The following GLIS3 variants were observed in gnomAD, a reference collection of about 807,000 sequenced individuals.
The protein encoded by GLIS3 is zinc finger protein GLIS3.
A neutral mutation model predicts 78.6 loss-of-function variants in GLIS3; 53 were observed. That is an observed-to-expected ratio of 0.67 (90% confidence interval 0.54 to 0.85). GLIS3 has a LOEUF of 0.85. GLIS3 is among the 40% of genes least tolerant of loss of function. The pLI, the probability that GLIS3 is intolerant of heterozygous loss-of-function variation, is 0.00. For synonymous variants in GLIS3, 684 were observed against 509.9 expected, an observed-to-expected ratio of 1.34 and a Z score of -4.60; for missense variants, 1,703 against 1,231.1, an observed-to-expected ratio of 1.38 and a Z score of -5.74.
At chr9:4,387,808 T>C in the GLIS3 span, among the ~76,000 whole-genome samples, 49 of 152,346 alleles carry the variant, frequency 3.2e-4, no homozygotes, top group African/African-American at 1.1e-3. Flanking sequence ...CTAATTCTAT[T>C]ATTTAACATA....
At chr9:4,124,770 G>A (rs1832445999) in intron 3 of GLIS3, among the ~76,000 whole-genome samples, 3 of 152,286 alleles carry the variant, frequency 2.0e-5, no homozygotes, top group East Asian at 1.9e-4. Flanking sequence ...CCTCAGAACT[G>A]CAAGGCACAT....
At chr9:4,222,060 G>C (rs918035219) in intron 2 of GLIS3, among the ~76,000 whole-genome samples, 8 of 152,188 alleles carry the variant, frequency 5.3e-5, no homozygotes, top group African/African-American at 1.9e-4. Flanking sequence ...CCTCAAGGGA[G>C]CATCCAGATT....
intron 2 of GLIS3, among the ~76,000 whole-genome samples, chr9:4,279,895 G>GA (rs538781460): frequency 4.6e-4 from 61 of 132,474 alleles, no homozygotes; most frequent in African/African-American, 1.1e-3. Flanking sequence ...TCTTTGATTA[G>GA]AAAAAAAAAA....
chr9:4,298,599 T>C (rs1209514780), intron 1 of GLIS3: 2 of 284,254 alleles, frequency 7.0e-6, no homozygotes, highest in South Asian at 2.8e-5. Flanking sequence ...GGGTCATTTA[T>C]AGGGACTGGA....
At chr9:4,397,165 A>G in the GLIS3 span, among the ~76,000 whole-genome samples, 9 of 139,176 alleles carry the variant, frequency 6.5e-5, no homozygotes, top group Admixed American at 4.3e-4. Context: ...AGCTGGGACT[A>G]CAGGTGCCCG....
At chr9:4,140,335 A>T (rs903487555) in intron 2 of GLIS3, among the ~76,000 whole-genome samples, 6 of 152,196 alleles carry the variant, frequency 3.9e-5, no homozygotes, top group African/African-American at 1.4e-4. Flanking sequence ...AAAAAACAAA[A>T]ACAAAACAGA....
chr9:4,243,750 T>C (rs182222339), intron 2 of GLIS3, among the ~76,000 whole-genome samples: 412 of 152,306 alleles, frequency 2.7e-3, no homozygotes, highest in Non-Finnish European at 3.4e-3. Flanking sequence ...CTGCCTGGAA[T>C]GGATTAGGTG....
chr9:4,060,319 G>T (rs1226162109), intron 4 of GLIS3, among the ~76,000 whole-genome samples: 1 of 152,022 alleles, frequency 6.6e-6, no homozygotes, highest in Non-Finnish European at 1.5e-5. Context: ...CTCAAATCTG[G>T]TTCCTGATTC....
intron 4 of GLIS3, among the ~76,000 whole-genome samples, chr9:4,069,914 T>A (rs996101178): frequency 6.6e-6 from 1 of 151,954 alleles, no homozygotes; most frequent in East Asian, 1.9e-4. Flanking sequence ...AGCCTGTGGA[T>A]GTCAGGAAGA....
At chr9:3,963,575 T>C (rs1197225739) in intron 4 of GLIS3, among the ~76,000 whole-genome samples, 6 of 152,162 alleles carry the variant, frequency 3.9e-5, no homozygotes, top group Admixed American at 2.0e-4. Context: ...ACGGGGACCA[T>C]CCTCTAATGC....
chr9:4,183,128 G>A (rs1337613483), intron 2 of GLIS3, among the ~76,000 whole-genome samples: 3 of 152,202 alleles, frequency 2.0e-5, no homozygotes, highest in Non-Finnish European at 4.4e-5. Context: ...TCTTTGGGTT[G>A]TTAAGGCACT....
intron 2 of GLIS3, among the ~76,000 whole-genome samples, chr9:4,281,703 C>A (rs1012658164): frequency 2.0e-5 from 3 of 152,206 alleles, no homozygotes; most frequent in Admixed American, 2.0e-4. Flanking sequence ...AATAATGCTG[C>A]TGTGGACATG....
At chr9:4,182,146 T>G (rs1418487704) in intron 2 of GLIS3, among the ~76,000 whole-genome samples, 1 of 152,222 alleles carries the variant, frequency 6.6e-6, no homozygotes, top group Non-Finnish European at 1.5e-5. Context: ...CGTTTTTTCC[T>G]TTGGGGTTTG....
intron 2 of GLIS3, among the ~76,000 whole-genome samples, chr9:4,172,326 C>T (rs1317157597): frequency 6.6e-6 from 1 of 152,142 alleles, no homozygotes; most frequent in Non-Finnish European, 1.5e-5. Context: ...GGAAGCAGGG[C>T]ACCAACACAG....
At chr9:4,043,271 T>G (rs1824978083) in intron 4 of GLIS3, among the ~76,000 whole-genome samples, 1 of 152,224 alleles carries the variant, frequency 6.6e-6, no homozygotes, top group Non-Finnish European at 1.5e-5. Context: ...GAATTAATTT[T>G]TTTTTCAAGT....
chr9:4,309,125 C>T (rs1018966423), intron 3 of GLIS3, among the ~76,000 whole-genome samples: 6 of 152,160 alleles, frequency 3.9e-5, no homozygotes, highest in Admixed American at 6.5e-5. Flanking sequence ...GCATCATCTC[C>T]GAATTGTTAC....
intron 6 of GLIS3, among the ~76,000 whole-genome samples, chr9:3,908,706 G>GTTTTTTTTTTTTTTTTTTTTTTT (rs34789708): frequency 2.3e-5 from 2 of 85,554 alleles, no homozygotes; most frequent in African/African-American, 5.4e-5. Flanking sequence ...ATTTGTATTT[G>GTTTTTTTTTTTTTTTTTTTTTTT]TTTTTTTTTT....
At chr9:3,929,994 C>G (rs1008376412) in intron 6 of GLIS3, among the ~76,000 whole-genome samples, 1 of 152,090 alleles carries the variant, frequency 6.6e-6, no homozygotes, top group African/African-American at 2.4e-5. Flanking sequence ...ATATTACACC[C>G]TGGTATATCA....
rs5896041 is a variant in GLIS3, at chr9:4,042,950, G to GA, written c.1710+74817dup. On this transcript the variant is annotated intron_variant, in intron 4 of 10. Coordinates refer to ENST00000381971, the MANE Select transcript of GLIS3 (RefSeq NM_001042413.2). ...CAAGTCATTAGAGCTTGCTTGAAAA[G>GA]AAAAAAAAAAAAAAAGGTACAGTGA... 3.1e-3 allele frequency among the ~76,000 whole-genome samples: 348 copies of GA among 113,598 alleles called. 2 individuals carry two copies. Among genetic ancestry groups the GA allele is most frequent in the South Asian group, 0.021 (76 of 3,542 alleles). 74.5% of individuals were successfully genotyped at this position (113,598 alleles called of 152,430 possible).
Sources: allele counts gnomAD v4.1 joint callset (sites outside exome capture counted in the v4.1 genomes callset), GRCh38; gene constraint gnomAD v4.1.1; transcripts MANE v1.5; gene names NCBI Gene and HGNC (gene_info 2026-07-23, HGNC 2026-07-21).